ARHGEF10L: variants seen among roughly 807,000 people sequenced by gnomAD.
The protein encoded by ARHGEF10L is rho guanine nucleotide exchange factor 10-like protein.
In ARHGEF10L, 69 loss-of-function variants were observed where a neutral mutation model predicts 141.2. The observed-to-expected ratio is 0.49, with a 90% CI of 0.40 to 0.60. ARHGEF10L has a LOEUF of 0.60. Ranked by LOEUF, ARHGEF10L falls within the 20% of genes least tolerant of loss-of-function variation. The pLI is 0.00. For synonymous variants in ARHGEF10L, 711 were observed against 718.5 expected (o/e 0.99, Z 0.17); for missense variants, 1,482 against 1,734.3 (o/e 0.85, Z 2.58).
rs1350494991 is a variant in ARHGEF10L at position 17,656,722 on chromosome 1, G to A, written c.2860+14G>A. On this transcript the variant is annotated intron_variant, in intron 25 of 28. Coordinates refer to ENST00000361221, the MANE Select transcript of ARHGEF10L (RefSeq NM_018125.4). This position sits in a 1 kb window ranked among gnomAD's most constrained non-coding sequence, Gnocchi z 4.9. ...CTCGGACCAGCGGTGAGGACTGGGG[G>A]GAATGGGGGAAGGGGGGCAGTCCTG... is the stretch of plus-strand genomic sequence containing the variant. 1.2e-6 allele frequency: 2 copies of A among 1,604,452 alleles called. No individual in the cohort carries two copies. Among genetic ancestry groups the A allele is most frequent in the Admixed American group, 1.7e-5 (1 of 59,642 alleles).
chr1:17,669,429 G>A (rs1048731917), intron 26 of ARHGEF10L, among the ~76,000 whole-genome samples: 5 of 152,158 alleles, frequency 3.3e-5, no homozygotes, highest in African/African-American at 7.2e-5. Context: ...CTCAAATCAC[G>A]CTTTGAGATG....
chr1:17,534,224 G>A, the ARHGEF10L span, among the ~76,000 whole-genome samples: 1 of 152,096 alleles, frequency 6.6e-6, no homozygotes, highest in South Asian at 2.1e-4. Context: ...CTGGGTTCAC[G>A]CCATTCTCCT....
intron 1 of ARHGEF10L, among the ~76,000 whole-genome samples, chr1:17,549,018 GTTTTGT>G (rs913883114): frequency 2.8e-4 from 43 of 150,896 alleles, no homozygotes; most frequent in African/African-American, 1.0e-3. Context: ...TGCCCTGGTG[GTTTTGT>G]TTTTGTTTTT....
At chr1:17,551,713 C>A (rs1351895374) in intron 1 of ARHGEF10L, among the ~76,000 whole-genome samples, 1 of 152,170 alleles carries the variant, frequency 6.6e-6, no homozygotes, top group Non-Finnish European at 1.5e-5. Flanking sequence ...TGCTTCCTTA[C>A]TCCTTCCCAA....
intron 9 of ARHGEF10L, among the ~76,000 whole-genome samples, chr1:17,617,474 A>G (rs2059871770): frequency 6.6e-6 from 1 of 152,186 alleles, no homozygotes; most frequent in Non-Finnish European, 1.5e-5. Flanking sequence ...GACAGGGTCA[A>G]GTAAGACCGG....
chr1:17,599,772 G>A (rs2100891656), intron 4 of ARHGEF10L, among the ~76,000 whole-genome samples: 1 of 152,342 alleles, frequency 6.6e-6, no homozygotes, highest in Non-Finnish European at 1.5e-5. Context: ...ACTTCTGGCA[G>A]TGAAATGTGA....
chr1:17,655,618 C>T (rs1429429072), intron 23 of ARHGEF10L, among the ~76,000 whole-genome samples: 1 of 152,236 alleles, frequency 6.6e-6, no homozygotes, highest in Admixed American at 6.5e-5. Context: ...GGTTGAAATG[C>T]ACCCTGCAGA....
rs529716875 is a variant in ARHGEF10L at position 17,679,413 on chromosome 1, G to A, written c.3010-8160G>A. On this transcript the variant is annotated intron_variant, in intron 26 of 28. Transcript: ENST00000361221. ...GGCTGAGTATTGGCACTGGAGTCCCGTTAGGGTGACCAAGTGTCTTGGTTT... is the reference window on the plus strand; with the variant it reads ...GGCTGAGTATTGGCACTGGAGTCCCATTAGGGTGACCAAGTGTCTTGGTTT... Among the ~76,000 whole-genome samples the A allele has an allele frequency of 3.7e-4, 57 of 152,288 alleles. 1 individual carries two copies. Among genetic ancestry groups the A allele is most frequent in the African/African-American group, 1.3e-3 (56 of 41,560 alleles).
At chr1:17,601,802 G>T (rs1463126009) in intron 4 of ARHGEF10L, among the ~76,000 whole-genome samples, 1 of 152,194 alleles carries the variant, frequency 6.6e-6, no homozygotes, top group East Asian at 1.9e-4. Context: ...TCTGTTGTAT[G>T]TGGGAGAGTG....
chr1:17,599,351 GA>G (rs376342810), intron 4 of ARHGEF10L, among the ~76,000 whole-genome samples: 37 of 146,518 alleles, frequency 2.5e-4, no homozygotes, highest in African/African-American at 7.8e-4. Flanking sequence ...AAAAGAAAAA[GA>G]AAAAAAAAAC....
chr1:17,538,746 A>G (rs1481207422), upstream of ARHGEF10L, among the ~76,000 whole-genome samples: 1 of 152,002 alleles, frequency 6.6e-6, no homozygotes, highest in African/African-American at 2.4e-5. Context: ...AAGGAACACA[A>G]GCTGAAAATG....
At chr1:17,632,867 GCCTTT>G (rs2060780662) in intron 16 of ARHGEF10L, among the ~76,000 whole-genome samples, 1 of 152,230 alleles carries the variant, frequency 6.6e-6, no homozygotes, top group Non-Finnish European at 1.5e-5. Context: ...GTGAGCCTTT[GCCTTT>G]CCCCCACAGA....
At chr1:17,515,925 C>T in the ARHGEF10L span, among the ~76,000 whole-genome samples, 2 of 152,248 alleles carry the variant, frequency 1.3e-5, no homozygotes, top group Non-Finnish European at 2.9e-5. Flanking sequence ...GTGTGAGCCA[C>T]TGCACCTGCC....
At chr1:17,552,570 CGTTTTTTTTTTTTTTTTT>C (rs1177286907) in intron 1 of ARHGEF10L, among the ~76,000 whole-genome samples, 1 of 38,718 alleles carries the variant, frequency 2.6e-5, no homozygotes, top group Non-Finnish European at 4.6e-5. Context: ...GGCTAATTTT[CGTTTTTTTTTTTTTTTTT>C]TTTTTTTTTT....
At chr1:17,530,901 A>G in the ARHGEF10L span, among the ~76,000 whole-genome samples, 1 of 152,072 alleles carries the variant, frequency 6.6e-6, no homozygotes, top group African/African-American at 2.4e-5. Context: ...GCTACTTGGG[A>G]GGCTGAAGCA....
At position 17,625,156 on chromosome 1, in the gene ARHGEF10L, G is replaced by C. The variant is rs1036547672; in HGVS notation, c.1317+653G>C. Among the ~76,000 whole-genome samples, 3 of 152,238 alleles carry C rather than the reference G, an allele frequency of 2.0e-5. No individual in the cohort carries two copies. Among genetic ancestry groups the C allele is most frequent in the African/African-American group, 7.2e-5 (3 of 41,456 alleles). ...CCCATCAAAGAGAACAGGGGATCAG[G>C]AGGAGCCACCATCTGACATGGGCCC... On this transcript the variant is annotated intron_variant, in intron 13 of 28. Transcript: ENST00000361221. The surrounding 1 kb of genome is among the most constrained non-coding windows in gnomAD (Gnocchi z 4.5).
intron 15 of ARHGEF10L, among the ~76,000 whole-genome samples, chr1:17,629,992 C>T (rs1426046953): frequency 1.3e-5 from 2 of 152,180 alleles, no homozygotes; most frequent in South Asian, 2.1e-4. Flanking sequence ...TAAGGGAGAC[C>T]TCTTTGATGC....
chr1:17,597,729 C>T (rs1456702072), intron 4 of ARHGEF10L, among the ~76,000 whole-genome samples: 2 of 152,182 alleles, frequency 1.3e-5, no homozygotes, highest in Non-Finnish European at 2.9e-5. Context: ...GAAGTGACCT[C>T]TCTATGCTGT....
At chr1:17,635,276 T>C (rs1480593655) in intron 18 of ARHGEF10L, among the ~76,000 whole-genome samples, 1 of 152,174 alleles carries the variant, frequency 6.6e-6, no homozygotes, top group East Asian at 1.9e-4. Context: ...ACACACTCTG[T>C]CCTGCTGTGC....
Sources: allele counts gnomAD v4.1 joint callset (sites outside exome capture counted in the v4.1 genomes callset), GRCh38; gene constraint gnomAD v4.1.1; non-coding constraint Gnocchi (gnomAD v3.1); transcripts MANE v1.5; gene names NCBI Gene and HGNC (gene_info 2026-07-23, HGNC 2026-07-21).